MFGE8: variants seen among roughly 807,000 people sequenced by gnomAD.
The protein encoded by MFGE8 is milk fat globule EGF and factor V/VIII domain containing, also known as lactadherin.
A neutral mutation model predicts 42.6 loss-of-function variants in MFGE8; 34 were observed. The ratio of observed to expected loss-of-function variants is 0.80; its 90% CI spans 0.61 to 1.06. MFGE8 has a LOEUF of 1.06. Ranked by LOEUF, MFGE8 falls within the 50% of genes least tolerant of loss-of-function variation. MFGE8 has a pLI of 0.00. For missense variants in MFGE8, 510 were observed against 516.9 expected (o/e 0.99, Z 0.13); for synonymous variants, 230 against 214.8 (o/e 1.07, Z -0.62).
chr15:88,910,935 AAC>A (rs1361593311), intron 1 of MFGE8: 15 of 152,222 alleles, frequency 9.9e-5, no homozygotes, highest in Non-Finnish European at 1.2e-4. Context: ...AGAAACAAGA[AAC>A]AGAGATTCTC....
At position 88,906,852 on chromosome 15, in the gene MFGE8, C is replaced by T. The variant is rs911112709; in HGVS notation, c.388-74G>A. On this transcript the variant is annotated intron_variant, in intron 3 of 7. Transcript: ENST00000268150. The surrounding 1 kb of genome is among the most constrained non-coding windows in gnomAD (Gnocchi z 4.2). ...CACTCAAGATCCAAGCAGACCCATC[C>T]CTTCACTCCCCCACTGGGTGGGGGA... The T allele has an allele frequency of 2.5e-6, 4 of 1,576,574 alleles. No individual in the cohort carries two copies. Among genetic ancestry groups the T allele is most frequent in the Non-Finnish European group, 3.5e-6 (4 of 1,149,260 alleles).
rs1248876300 is a variant in MFGE8 at position 88,903,232 on chromosome 15, C to T, written c.686-1497G>A. 6.6e-6 allele frequency: 1 copy of T among 152,348 alleles called. No individual in the cohort carries two copies. The highest frequency in any genetic ancestry group is 1.9e-4 in the East Asian group (1 of 5,190). The allele number at this position is 152,348 out of a possible 1,614,324, so 9.4% of individuals were successfully genotyped here. A position where few individuals can be genotyped will look rare whatever the true frequency, so the allele number is the denominator to read the frequency against. ...TGGTTCATACCCTCCTCACTCTCAG[C>T]CTCCCCAGGAAGTCAGACAGCCTTT... On this transcript the variant is annotated intron_variant, in intron 5 of 7. Coordinates refer to ENST00000268150, the MANE Select transcript of MFGE8 (RefSeq NM_005928.4). The surrounding 1 kb of genome is among the most constrained non-coding windows in gnomAD (Gnocchi z 4.9).
In MFGE8 at chr15:88,898,947, C is replaced by T. The variant is rs8530; in HGVS notation, c.*448G>A. 0.11 allele frequency: 28,484 copies of T among 259,238 alleles called. 1,828 individuals are homozygous for T. The highest frequency in any genetic ancestry group is 0.19 in the Middle Eastern group (135 of 702). The allele number at this position is 259,238 out of a possible 1,614,324, so 16.1% of individuals were successfully genotyped here. On this transcript the variant is annotated 3_prime_UTR_variant, in exon 8 of 8. Transcript: ENST00000268150. Reference sequence around the variant, plus strand: ...TGGCCACATGGTACCCCAGGGCCGACGCAGGGCCGACGGGCAAGAGGCTGT... The same window carrying T: ...TGGCCACATGGTACCCCAGGGCCGATGCAGGGCCGACGGGCAAGAGGCTGT...
Position 88,899,545 on chromosome 15 carries a change from C to G in MFGE8, c.1027-13G>C, listed in dbSNP as rs770656810. The G allele has an allele frequency of 1.3e-5, 21 of 1,614,084 alleles. No individual in the cohort carries two copies. In the African/African-American group the frequency reaches 1.6e-4, roughly 12 times the overall value. On this transcript the variant is annotated splice_polypyrimidine_tract_variant and intron_variant, in intron 7 of 7. Transcript: ENST00000268150. The surrounding 1 kb of genome is among the most constrained non-coding windows in gnomAD (Gnocchi z 6.8). ...TGCCAGGGAAGATCTAGAGGCAGAG[C>G]GGGTGTCAGGAGGACCCCGAGCCAG... is the stretch of plus-strand genomic sequence containing the variant.
rs56306739 is a variant in MFGE8 at position 88,902,251 on chromosome 15, G to A, written c.686-516C>T. 0.28 allele frequency: 42,076 copies of A among 152,588 alleles called. 6,071 individuals are homozygous for A. Among genetic ancestry groups the A allele is most frequent in the Admixed American group, 0.35 (5,585 of 15,964 alleles). The allele number at this position is 152,588 out of a possible 1,614,324, so 9.5% of individuals were successfully genotyped here. A position where few individuals can be genotyped will look rare whatever the true frequency, so the allele number is the denominator to read the frequency against. ...TTTAACCTGCCACCAAAAAAAAAAAGAAAAAAAAACACTAAATGAAGTAGA... is the reference window on the plus strand; with the variant it reads ...TTTAACCTGCCACCAAAAAAAAAAAAAAAAAAAAACACTAAATGAAGTAGA... On this transcript the variant is annotated intron_variant, in intron 5 of 7. Coordinates refer to ENST00000268150, the MANE Select transcript of MFGE8 (RefSeq NM_005928.4). This position sits in a 1 kb window ranked among gnomAD's most constrained non-coding sequence, Gnocchi z 4.3.
At chr15:88,909,668 T>C (rs1898864120) in intron 2 of MFGE8, 124 bp downstream of exon 2, 1 of 1,461,986 alleles carries the variant, frequency 6.8e-7, no homozygotes, top group Non-Finnish European at 9.5e-7. Context: ...AGAGGAGGCC[T>C]TGACACCTCC....
At chr15:88,909,749 G>A in intron 2 of MFGE8, 43 bp downstream of exon 2, 1 of 1,612,568 alleles carries the variant, frequency 6.2e-7, no homozygotes, top group Non-Finnish European at 8.5e-7. Context: ...GTGGCTCAGG[G>A]TCTACTGCTA....
chr15:88,906,671 A>C lies in MFGE8; in HGVS notation c.495T>G (p.Asn165Lys). 6 of 1,614,000 alleles carry C rather than the reference A, an allele frequency of 3.7e-6. No individual in the cohort carries two copies. Among genetic ancestry groups the C allele is most frequent in the Non-Finnish European group, 5.1e-6 (6 of 1,179,958 alleles). The change falls in exon 4 of 8, where the codon AAT (asparagine) becomes AAG (lysine). Residue 165 changes from asparagine (N) to lysine (K), a missense_variant. By Grantham distance (94) the Asn-to-Lys change is moderately conservative. Coordinates refer to ENST00000268150, the MANE Select transcript of MFGE8 (RefSeq NM_005928.4). This position sits in a 1 kb window ranked among gnomAD's most constrained non-coding sequence, Gnocchi z 4.2. ...CATGGATGAAATCGAATTCGTGTCC[A>C]TTAAGGCTGTAGGCCACCTTGAAGG... Reference protein sequence around the residue: ...LKAFKVAYSLNGHEFDFIHDV... With the variant: ...LKAFKVAYSLKGHEFDFIHDV...
At position 88,899,104 on chromosome 15, in the gene MFGE8, C is replaced by T. The variant is rs996969523; in HGVS notation, c.*291G>A. 2.4e-5 allele frequency: 12 copies of T among 500,124 alleles called. No homozygotes were observed. The highest frequency in any genetic ancestry group is 9.7e-5 in the African/African-American group (5 of 51,692). 31.0% of individuals were successfully genotyped at this position (500,124 alleles called of 1,614,324 possible). Reference sequence around the variant, plus strand: ...TCCGGACAGGGGCAGGGAAACCACACGCCCTACTTTGCCCTTTCCTGTCCA... The same window carrying T: ...TCCGGACAGGGGCAGGGAAACCACATGCCCTACTTTGCCCTTTCCTGTCCA... On this transcript the variant is annotated 3_prime_UTR_variant, in exon 8 of 8. Transcript: ENST00000268150. The surrounding 1 kb of genome is among the most constrained non-coding windows in gnomAD (Gnocchi z 6.8).
rs1212150380 is a variant in MFGE8 at position 88,905,512 on chromosome 15, G to A, written c.685+245C>T. On this transcript the variant is annotated intron_variant, in intron 5 of 7. Coordinates refer to ENST00000268150, the MANE Select transcript of MFGE8 (RefSeq NM_005928.4). This position sits in a 1 kb window ranked among gnomAD's most constrained non-coding sequence, Gnocchi z 6.6. Reference sequence around the variant, plus strand: ...CAACCAGAAGAAGGGAAAATACTTTGAAAACTGATGTCTTTTTCTCTATCA... The same window carrying A: ...CAACCAGAAGAAGGGAAAATACTTTAAAAACTGATGTCTTTTTCTCTATCA... The A allele has an allele frequency of 1.5e-6, 1 of 676,390 alleles. No individual in the cohort carries two copies. The allele number at this position is 676,390 out of a possible 1,614,324, so 41.9% of individuals were successfully genotyped here.
At chr15:88,912,610 C>A in intron 1 of MFGE8, 2 of 985,360 alleles carry the variant, frequency 2.0e-6, no homozygotes, top group Non-Finnish European at 2.4e-6. Flanking sequence ...GGGGAAGATA[C>A]AGCAGCCGGC....
Position 88,906,397 on chromosome 15 carries a change from C to A in MFGE8, c.540+229G>T. On this transcript the variant is annotated intron_variant, in intron 4 of 7. Transcript: ENST00000268150. The surrounding 1 kb of genome is among the most constrained non-coding windows in gnomAD (Gnocchi z 4.2). ...CTATCACCCTCAACAGGTCACTGTG[C>A]CATTTTGAATCTCACTAGTCTCATC... The A allele has an allele frequency of 1.8e-6, 1 of 554,374 alleles. No individual in the cohort carries two copies. The highest frequency in any genetic ancestry group is 3.3e-6 in the Non-Finnish European group (1 of 305,142). The allele number at this position is 554,374 out of a possible 1,614,324, so 34.3% of individuals were successfully genotyped here.
intron 1 of MFGE8, chr15:88,912,481 G>C (rs1243718583): frequency 1.0e-6 from 1 of 985,424 alleles, no homozygotes; most frequent in Non-Finnish European, 1.2e-6. Context: ...GCCACCTAAA[G>C]AGTCCTGGCC....
chr15:88,900,928 C>A, intron 6 of MFGE8, among the ~76,000 whole-genome samples: 1 of 147,912 alleles, frequency 6.8e-6, no homozygotes. Flanking sequence ...AATCCTGTGG[C>A]AGCCCATGGA....
Position 88,906,005 on chromosome 15 carries a change from C to T in MFGE8, c.541-104G>A. 7.0e-7 allele frequency: 1 copy of T among 1,423,908 alleles called. No homozygotes were observed. The highest frequency in any genetic ancestry group is 9.9e-7 in the Non-Finnish European group (1 of 1,013,810). The allele number at this position is 1,423,908 out of a possible 1,614,324, so 88.2% of individuals were successfully genotyped here. A position where few individuals can be genotyped will look rare whatever the true frequency, so the allele number is the denominator to read the frequency against. On this transcript the variant is annotated intron_variant, in intron 4 of 7. Transcript: ENST00000268150. The surrounding 1 kb of genome is among the most constrained non-coding windows in gnomAD (Gnocchi z 4.2). ...TCAGACCTGGGAGGCAGAGGTGGGG[C>T]TGGGAGGGTGAAGAGGACTTGGAAG...
At position 88,902,888 on chromosome 15, in the gene MFGE8, C is replaced by T. The variant is rs531829355; in HGVS notation, c.686-1153G>A. 6.6e-6 allele frequency: 1 copy of T among 152,348 alleles called. No individual in the cohort carries two copies. Among genetic ancestry groups the T allele is most frequent in the Admixed American group, 6.5e-5 (1 of 15,300 alleles). The allele number at this position is 152,348 out of a possible 1,614,324, so 9.4% of individuals were successfully genotyped here. On this transcript the variant is annotated intron_variant, in intron 5 of 7. Transcript: ENST00000268150. The surrounding 1 kb of genome is among the most constrained non-coding windows in gnomAD (Gnocchi z 4.3). ...GCCAGCTAAGTTATATCACTGCCCT[C>T]CAATACTCTCACCACTCAAGAGTAC...
chr15:88,912,831 G>A (rs1363340912), intron 1 of MFGE8: 2 of 985,350 alleles, frequency 2.0e-6, no homozygotes, highest in Non-Finnish European at 2.4e-6. Flanking sequence ...TTGGCAGGGA[G>A]ATGGCCAGGA....
intron 6 of MFGE8, among the ~76,000 whole-genome samples, chr15:88,900,243 GA>G (rs5814347): frequency 0.36 from 38,102 of 106,800 alleles, 5,323 homozygotes; most frequent in Admixed American, 0.42. Context: ...CTCTGTCTCA[GA>G]AAAAAAAAAA....
chr15:88,901,297 TCA>T (rs1898409667), intron 6 of MFGE8, among the ~76,000 whole-genome samples: 1 of 72,076 alleles, frequency 1.4e-5, no homozygotes, highest in African/African-American at 4.4e-5. Flanking sequence ...TCACACACAT[TCA>T]CACACTCACA....
Sources: gnomAD v4.1 joint callset for allele counts (sites outside exome capture counted in the v4.1 genomes callset) on GRCh38, gnomAD v4.1.1 for gene constraint, Gnocchi (gnomAD v3.1) non-coding constraint, MANE v1.5 for transcripts, NCBI Gene and HGNC (gene_info 2026-07-23, HGNC 2026-07-21) for gene names.